Variants in HIVEP1 observed in about 807,000 individuals in gnomAD.
HIVEP1 encodes zinc finger protein 40.
A neutral mutation model predicts 180.0 loss-of-function variants in HIVEP1; 36 were observed. That is an observed-to-expected ratio of 0.20 (90% confidence interval 0.15 to 0.26). The LOEUF (loss-of-function observed/expected upper bound fraction) is 0.26. Ranked by LOEUF, HIVEP1 falls within the 10% of genes least tolerant of loss-of-function variation. The pLI, the probability that HIVEP1 is intolerant of heterozygous loss-of-function variation, is 1.00. For missense variants in HIVEP1, 3,143 were observed against 3,268.7 expected (o/e 0.96, Z 0.94); for synonymous variants, 1,239 against 1,239.0 (o/e 1.00, Z 0.00).
chr6:12,155,382 C>T (rs1330651995), intron 7 of HIVEP1, among the ~76,000 whole-genome samples: 1 of 152,086 alleles, frequency 6.6e-6, no homozygotes, highest in Non-Finnish European at 1.5e-5. Context: ...CCCAGCATTT[C>T]TTCCTGATGT....
intron 2 of HIVEP1, among the ~76,000 whole-genome samples, chr6:12,046,876 T>TGTGTGTGTGTG (rs1561885761): frequency 9.3e-5 from 14 of 151,036 alleles, no homozygotes; most frequent in South Asian, 6.3e-4. Context: ...TGTGTGTGTG[T>TGTGTGTGTGTG]TTGAGATGGA....
At chr6:12,130,735 A>G in intron 5 of HIVEP1, 32 bp from the exon 6 acceptor site, 1 of 1,303,968 alleles carries the variant, frequency 7.7e-7, no homozygotes, top group East Asian at 2.4e-5. Flanking sequence ...ATAGTGTCCA[A>G]TCTCCCTATT....
At chr6:12,089,906 T>C (rs1426301292) in intron 3 of HIVEP1, among the ~76,000 whole-genome samples, 2 of 151,994 alleles carry the variant, frequency 1.3e-5, no homozygotes, top group Admixed American at 6.6e-5. Flanking sequence ...GATTGGACAA[T>C]GTTGGAAAGG....
At position 12,124,286 on chromosome 6, in the gene HIVEP1, C is replaced by T. The variant is rs536006823; in HGVS notation, c.4491C>T (p.Asn1497=). Residue 1497 remains asparagine (N), a synonymous_variant, in exon 4 of 9, where the codon AAC becomes AAT. Coordinates refer to ENST00000379388, the MANE Select transcript of HIVEP1 (RefSeq NM_002114.4). The stretch of plus-strand genomic sequence containing the variant: ...AGGATCTGCAGGCAGAAACATCAAA[C>T]TCCAGCTCTACCAACGTTTTTCCTG... ...QVKDLQAETS[N]SSSTNVFPVQ... 3.7e-6 allele frequency: 6 copies of T among 1,614,128 alleles called. No individual in the cohort carries two copies. The African/African-American group carries it at 8.0e-5, about 22-fold the overall frequency.
In HIVEP1 at chr6:12,092,877, T is replaced by C. The variant is rs916698219; in HGVS notation, c.94+3640T>C. Among the ~76,000 whole-genome samples, 4 of 152,262 alleles carry C rather than the reference T, an allele frequency of 2.6e-5. No individual in the cohort carries two copies. The East Asian group carries it at 5.8e-4, about 22-fold the overall frequency. ...AGGTTCAGAGAGCTCTGCCGAGCAG[T>C]GTGAGCAGCAAGCTCGTACAGGCTG... On this transcript the variant is annotated intron_variant, in intron 3 of 8. Transcript: ENST00000379388.
intron 7 of HIVEP1, among the ~76,000 whole-genome samples, chr6:12,153,196 C>T (rs1759809005): frequency 6.6e-6 from 1 of 152,148 alleles, no homozygotes; most frequent in Non-Finnish European, 1.5e-5. Context: ...TCTGTACCTA[C>T]AAACATTGAA....
chr6:12,080,455 A>G (rs1473060689), intron 2 of HIVEP1, among the ~76,000 whole-genome samples: 1 of 152,198 alleles, frequency 6.6e-6, no homozygotes, highest in Non-Finnish European at 1.5e-5. Flanking sequence ...TGATTGATAT[A>G]TACTGTATGT....
At chr6:12,017,917 G>C (rs1561857043) in intron 2 of HIVEP1, among the ~76,000 whole-genome samples, 1 of 152,252 alleles carries the variant, frequency 6.6e-6, no homozygotes, top group Admixed American at 6.5e-5. Context: ...TGCGCCTTGT[G>C]CCTGCACTAC....
At chr6:12,040,141 C>T (rs1325509901) in intron 2 of HIVEP1, among the ~76,000 whole-genome samples, 1 of 152,114 alleles carries the variant, frequency 6.6e-6, no homozygotes, top group African/African-American at 2.4e-5. Flanking sequence ...CATATGCCTG[C>T]ATTTTGGAGA....
chr6:12,066,323 C>T (rs539571300), intron 2 of HIVEP1, among the ~76,000 whole-genome samples: 2 of 152,224 alleles, frequency 1.3e-5, no homozygotes, highest in South Asian at 4.2e-4. Context: ...GATGACCATC[C>T]CTCTTGTGCT....
chr6:12,047,823 G>A (rs928009862), intron 2 of HIVEP1, among the ~76,000 whole-genome samples: 5 of 152,166 alleles, frequency 3.3e-5, no homozygotes, highest in South Asian at 2.1e-4. Context: ...ATGAGAGATC[G>A]CTTGCAGTCA....
At chr6:12,095,215 T>A (rs1773715682) in intron 3 of HIVEP1, among the ~76,000 whole-genome samples, 1 of 151,964 alleles carries the variant, frequency 6.6e-6, no homozygotes, top group Non-Finnish European at 1.5e-5. Context: ...CTGATTTTCA[T>A]GATACTTTCT....
rs755462703 is a variant in HIVEP1, at chr6:12,129,837, A to G, written c.6154A>G (p.Lys2052Glu). 1 of 1,584,668 alleles carries G rather than the reference A, an allele frequency of 6.3e-7. No individual in the cohort carries two copies. The highest frequency in any genetic ancestry group is 8.7e-7 in the Non-Finnish European group (1 of 1,153,882). ...CTCTGAAATTAACAGTGAGCAAGAT[A>G]AAGAAAATTCCTTAATCAAAAGTGA... is the stretch of plus-strand genomic sequence containing the variant. ...DASEINSEQD[K>E]ENSLIKSEPR... Residue 2052 changes from lysine to glutamate, a missense_variant, in exon 5 of 9, where the codon AAA becomes GAA. By Grantham distance (56) the Lys-to-Glu change is moderately conservative (BLOSUM62 1). Transcript: ENST00000379388.
intron 7 of HIVEP1, 91 bp from the exon 8 acceptor site, chr6:12,161,348 G>T (rs1760382164): frequency 2.5e-6 from 3 of 1,220,862 alleles, no homozygotes; most frequent in Middle Eastern, 4.3e-4. Context: ...TATAATCCTT[G>T]CAGAGTTGCC....
the HIVEP1 span, among the ~76,000 whole-genome samples, chr6:12,203,479 A>G: frequency 1.1e-4 from 16 of 152,266 alleles, no homozygotes; most frequent in African/African-American, 3.6e-4. Context: ...GCCAAAATGC[A>G]TTTCCTATGG....
downstream of HIVEP1, among the ~76,000 whole-genome samples, chr6:12,167,695 AC>A (rs1760759473): frequency 1.4e-5 from 1 of 73,726 alleles, no homozygotes; most frequent in Non-Finnish European, 3.4e-5. Context: ...TAATATATAT[AC>A]ATATATACAT....
At chr6:12,128,384 T>A (rs1014750040) in intron 4 of HIVEP1, among the ~76,000 whole-genome samples, 1 of 152,206 alleles carries the variant, frequency 6.6e-6, no homozygotes, top group African/African-American at 2.4e-5. Context: ...AGGCCACACA[T>A]ACCCCTCTCC....
chr6:12,167,673 CAT>C (rs375095905), downstream of HIVEP1, among the ~76,000 whole-genome samples: 2,134 of 16,966 alleles, frequency 0.13, 84 homozygotes, highest in Non-Finnish European at 0.13. Context: ...TACATATATA[CAT>C]ATATGTGTAT....
At chr6:12,162,809 A>G (rs1760490461) in intron 8 of HIVEP1, among the ~76,000 whole-genome samples, 3 of 152,220 alleles carry the variant, frequency 2.0e-5, no homozygotes, top group South Asian at 4.1e-4. Flanking sequence ...TCATAGTAAC[A>G]TCTCTTCACA....
Sources: allele counts gnomAD v4.1 joint callset (sites outside exome capture counted in the v4.1 genomes callset), GRCh38; gene constraint gnomAD v4.1.1; transcripts MANE v1.5; gene names NCBI Gene and HGNC (gene_info 2026-07-23, HGNC 2026-07-21).